RTN1: variants seen among roughly 807,000 people sequenced by gnomAD.
RTN1 encodes the protein reticulon 1.
A neutral mutation model predicts 65.5 loss-of-function variants in RTN1; 25 were observed. The ratio of observed to expected loss-of-function variants is 0.38; its 90% CI spans 0.28 to 0.53. The LOEUF (loss-of-function observed/expected upper bound fraction) is 0.53, where lower values mean the gene tolerates loss of function less well. Among genes scored for constraint, RTN1 ranks in the 20% least tolerant of loss-of-function variants. The probability of loss-of-function intolerance (pLI) is 0.79; values close to 1 mark genes in which losing one functional copy is unlikely to be tolerated. For synonymous variants in RTN1, 471 were observed against 447.6 expected (o/e 1.05, Z -0.66); for missense variants, 983 against 1,025.4 (o/e 0.96, Z 0.57).
intron 3 of RTN1, among the ~76,000 whole-genome samples, chr14:59,673,569 C>G (rs1182772257): frequency 2.6e-5 from 4 of 152,162 alleles, no homozygotes; most frequent in Non-Finnish European, 2.9e-5. Context: ...AGGCAGGTAG[C>G]CCCCATAGGA....
Position 59,622,008 on chromosome 14 carries a change from A to G in RTN1, c.1766-14516T>C, listed in dbSNP as rs2073317. 5.9e-3 allele frequency among the ~76,000 whole-genome samples: 904 copies of G among 152,302 alleles called. 43 individuals are homozygous for G. In the East Asian group the frequency reaches 0.097, roughly 16 times the overall value. On this transcript the variant is annotated intron_variant, in intron 3 of 8. Transcript: ENST00000267484. ...AAAATACTTCAGGCAGCACTACACCACTTGCTATGTGACAAATTAATGCTA... is the reference window on the plus strand; with the variant it reads ...AAAATACTTCAGGCAGCACTACACCGCTTGCTATGTGACAAATTAATGCTA...
chr14:59,650,609 A>G (rs1472893065), intron 3 of RTN1, among the ~76,000 whole-genome samples: 2 of 152,186 alleles, frequency 1.3e-5, no homozygotes, highest in East Asian at 3.8e-4. Context: ...CCTGTACACC[A>G]ATAACAGCCA....
At chr14:59,833,645 T>C (rs530671649) in intron 1 of RTN1, among the ~76,000 whole-genome samples, 1 of 152,252 alleles carries the variant, frequency 6.6e-6, no homozygotes, top group Non-Finnish European at 1.5e-5. Flanking sequence ...GTAATGGGCA[T>C]AGTACCCAAT....
chr14:59,640,220 G>A (rs1440824463), intron 3 of RTN1, among the ~76,000 whole-genome samples: 3 of 152,142 alleles, frequency 2.0e-5, no homozygotes, highest in African/African-American at 7.2e-5. Flanking sequence ...TTCTTTAATA[G>A]ATGTTAGGAT....
chr14:59,634,975 G>C (rs899402038), intron 3 of RTN1, among the ~76,000 whole-genome samples: 1 of 152,176 alleles, frequency 6.6e-6, no homozygotes, highest in Admixed American at 6.5e-5. Flanking sequence ...ACACTGAAGG[G>C]TTTTGAGAAG....
rs761913337 is a variant in RTN1, at chr14:59,870,485, G to A, written c.146C>T (p.Pro49Leu). Residue 49 changes from proline (P) to leucine (L), a missense_variant, in exon 1 of 9, where the codon CCG (proline) becomes CTG (leucine). Coordinates refer to ENST00000267484, the MANE Select transcript of RTN1 (RefSeq NM_021136.3). The surrounding 1 kb of genome is among the most constrained non-coding windows in gnomAD (Gnocchi z 5.1). ...TPAPQAGEPS[P>L]GLGARAREAA... ...TTCCCGGGCCCTGGCGCCCAACCCC[G>A]GGCTGGGCTCCCCAGCCTGCGGCGC... The A allele has an allele frequency of 3.8e-5, 56 of 1,466,254 alleles. No homozygotes were observed. The highest frequency in any genetic ancestry group is 4.7e-5 in the Non-Finnish European group (53 of 1,116,320). 90.8% of individuals were successfully genotyped at this position (1,466,254 alleles called of 1,614,324 possible).
chr14:59,633,366 T>C (rs1056865424), intron 3 of RTN1, among the ~76,000 whole-genome samples: 1 of 152,216 alleles, frequency 6.6e-6, no homozygotes, highest in African/African-American at 2.4e-5. Flanking sequence ...ATTGTAAAAG[T>C]TAGCTACATG....
intron 1 of RTN1, among the ~76,000 whole-genome samples, chr14:59,806,219 G>A (rs910322235): frequency 2.0e-5 from 3 of 151,058 alleles, no homozygotes; most frequent in Middle Eastern, 3.4e-3. Context: ...CTGGTGACAG[G>A]GTGAGACTCC....
intron 1 of RTN1, among the ~76,000 whole-genome samples, chr14:59,833,520 A>C (rs2139644162): frequency 6.6e-6 from 1 of 152,264 alleles, no homozygotes; most frequent in Non-Finnish European, 1.5e-5. Flanking sequence ...TATTTGAAAA[A>C]AATTTTTTTT....
At chr14:59,684,258 T>C (rs1306884589) in intron 3 of RTN1, among the ~76,000 whole-genome samples, 1 of 152,082 alleles carries the variant, frequency 6.6e-6, no homozygotes. Flanking sequence ...GTTCCTGTTA[T>C]ATAAAATTTA....
rs200736544 is a variant in RTN1 at position 59,596,721 on chromosome 14, T to A, written c.*24A>T. 1.2e-4 allele frequency: 196 copies of A among 1,584,670 alleles called. 1 individual carries two copies. The African/African-American group carries it at 2.2e-3, about 18-fold the overall frequency. On this transcript the variant is annotated 3_prime_UTR_variant, in exon 9 of 9. Transcript: ENST00000267484. Reference sequence around the variant, plus strand: ...ACCACTCCAGACATTCCTGTTTGTGTCCAGTCCCCGGTGGGAAATCAGTTT... The same window carrying A: ...ACCACTCCAGACATTCCTGTTTGTGACCAGTCCCCGGTGGGAAATCAGTTT...
At chr14:59,623,815 T>C (rs1882320422) in intron 3 of RTN1, among the ~76,000 whole-genome samples, 2 of 152,166 alleles carry the variant, frequency 1.3e-5, no homozygotes, top group South Asian at 2.1e-4. Flanking sequence ...ACAGCAAAAA[T>C]ATTTCTTGAA....
At chr14:59,843,633 T>C (rs1448749130) in intron 1 of RTN1, among the ~76,000 whole-genome samples, 2 of 152,088 alleles carry the variant, frequency 1.3e-5, no homozygotes, top group East Asian at 3.9e-4. Context: ...CTAAAAAAAG[T>C]TTAAAAAGGA....
chr14:59,763,301 A>T (rs926617012), intron 1 of RTN1, among the ~76,000 whole-genome samples: 1 of 152,204 alleles, frequency 6.6e-6, no homozygotes, highest in African/African-American at 2.4e-5. Flanking sequence ...GAGCTATCGC[A>T]TCTATAAGAC....
Position 59,752,878 on chromosome 14 carries a change from C to T in RTN1, c.242-6397G>A, listed in dbSNP as rs937425150. On this transcript the variant is annotated intron_variant, in intron 1 of 8. Coordinates refer to ENST00000267484, the MANE Select transcript of RTN1 (RefSeq NM_021136.3). ...ACAGTCTAAAATGTGAGTTATCCAA[C>T]AATGAAATACAGCAAGAGTATTCTC... Among the ~76,000 whole-genome samples, 11 of 152,264 alleles carry T rather than the reference C, an allele frequency of 7.2e-5. 1 individual carries two copies. The highest frequency in any genetic ancestry group is 2.0e-4 in the Admixed American group (3 of 15,294).
intron 3 of RTN1, among the ~76,000 whole-genome samples, chr14:59,635,333 A>T (rs1332397638): frequency 6.6e-6 from 1 of 152,252 alleles, no homozygotes; most frequent in African/African-American, 2.4e-5. Context: ...CAAATATGTA[A>T]TCAATGAGAA....
chr14:59,711,684 G>A (rs893460151), intron 3 of RTN1, among the ~76,000 whole-genome samples: 16 of 152,168 alleles, frequency 1.1e-4, no homozygotes, highest in African/African-American at 3.4e-4. Context: ...GTGAACAAAA[G>A]CCTGTGATCT....
At position 59,855,320 on chromosome 14, in the gene RTN1, T is replaced by G. The variant is rs1294951744; in HGVS notation, c.241+15070A>C. 2.0e-5 allele frequency among the ~76,000 whole-genome samples: 3 copies of G among 152,232 alleles called. No homozygotes were observed. In the East Asian group the frequency reaches 5.8e-4, roughly 29 times the overall value. On this transcript the variant is annotated intron_variant, in intron 1 of 8. Transcript: ENST00000267484. ...TAACATTTTCTTCTTTCCTCTTCACTCTGCTGTCGAGCCCACCTACTGAGG... is the reference window on the plus strand; with the variant it reads ...TAACATTTTCTTCTTTCCTCTTCACGCTGCTGTCGAGCCCACCTACTGAGG...
intron 2 of RTN1, among the ~76,000 whole-genome samples, chr14:59,739,986 T>C (rs1231173644): frequency 6.6e-6 from 1 of 152,204 alleles, no homozygotes; most frequent in East Asian, 1.9e-4. Flanking sequence ...TTGTGCCAGC[T>C]GGCCTGATGC....
Sources: gnomAD v4.1 joint callset for allele counts (sites outside exome capture counted in the v4.1 genomes callset) on GRCh38, gnomAD v4.1.1 for gene constraint, Gnocchi (gnomAD v3.1) non-coding constraint, MANE v1.5 for transcripts, NCBI Gene and HGNC (gene_info 2026-07-23, HGNC 2026-07-21) for gene names.